The following RSPH14 variants were observed in gnomAD, a reference collection of about 807,000 sequenced individuals.
RSPH14 encodes the protein rhabdoid tumor deletion region gene 1.
Under a neutral mutation model 26.7 loss-of-function variants are expected in RSPH14, and 20 were observed. The observed-to-expected ratio is 0.75, with a 90% CI of 0.53 to 1.09. RSPH14 has a LOEUF of 1.09. Among genes scored for constraint, RSPH14 ranks in the 50% least tolerant of loss-of-function variants. RSPH14 has a pLI of 0.00. For missense variants in RSPH14, 449 were observed against 457.2 expected (o/e 0.98, Z 0.16); for synonymous variants, 177 against 189.3 (o/e 0.93, Z 0.53).
intron 4 of RSPH14, chr22:23,131,683 T>G: frequency 7.8e-7 from 1 of 1,289,386 alleles, no homozygotes; most frequent in Admixed American, 2.3e-5. Flanking sequence ...GGTTCCTGCA[T>G]GGTGAGCACA....
upstream of RSPH14, chr22:23,145,555 A>G (rs2070714594): frequency 6.3e-7 from 1 of 1,598,970 alleles, no homozygotes. Context: ...ATCGCTGGTG[A>G]GTCAGCTCGC....
At chr22:23,081,921 C>G (rs1166188899) in intron 4 of RSPH14, among the ~76,000 whole-genome samples, 2 of 149,988 alleles carry the variant, frequency 1.3e-5, no homozygotes, top group Admixed American at 6.7e-5. Flanking sequence ...GTCAGGAGAT[C>G]GAGACCATCC....
the RSPH14 span, among the ~76,000 whole-genome samples, chr22:23,153,962 T>TA: frequency 6.6e-6 from 1 of 152,256 alleles, no homozygotes; most frequent in East Asian, 1.9e-4. Context: ...GTGCTGGGAT[T>TA]ACAGGTGTGA....
the RSPH14 span, chr22:23,156,002 A>C: frequency 1.9e-6 from 3 of 1,613,072 alleles, no homozygotes; most frequent in Non-Finnish European, 2.5e-6. Context: ...GTTCAAGTGC[A>C]TCGCATCTGC....
At chr22:23,066,014 C>T (rs866070692) in intron 4 of RSPH14, among the ~76,000 whole-genome samples, 24 of 152,282 alleles carry the variant, frequency 1.6e-4, no homozygotes, top group Middle Eastern at 6.8e-3. Context: ...GTTCTGCCCA[C>T]GGTCTCCCTA....
intron 4 of RSPH14, among the ~76,000 whole-genome samples, chr22:23,110,782 G>A (rs1390931112): frequency 1.3e-5 from 2 of 152,220 alleles, no homozygotes; most frequent in East Asian, 3.9e-4. Flanking sequence ...GGAGGAAGCA[G>A]CTGGCCTGGG....
chr22:23,172,667 A>T, the RSPH14 span, among the ~76,000 whole-genome samples: 2 of 148,406 alleles, frequency 1.3e-5, no homozygotes, highest in African/African-American at 5.0e-5. Context: ...AAAAAAAAAA[A>T]GACTGGGCAC....
chr22:23,080,956 C>T (rs2068660638), intron 4 of RSPH14, among the ~76,000 whole-genome samples: 1 of 152,216 alleles, frequency 6.6e-6, no homozygotes, highest in African/African-American at 2.4e-5. Flanking sequence ...TCTAGAACCC[C>T]CTTGCCCTTC....
chr22:23,158,955 C>T, the RSPH14 span: 23 of 1,614,034 alleles, frequency 1.4e-5, no homozygotes, highest in Middle Eastern at 3.3e-4. Flanking sequence ...TCATCTTCCT[C>T]GTGGGAACCA....
At chr22:23,086,376 G>T (rs957836633) in intron 4 of RSPH14, among the ~76,000 whole-genome samples, 1 of 152,228 alleles carries the variant, frequency 6.6e-6, no homozygotes, top group Non-Finnish European at 1.5e-5. Context: ...CTTTTAGCAT[G>T]AGATGACGTG....
chr22:23,137,874 T>C (rs1471090512), intron 3 of RSPH14: 1 of 163,790 alleles, frequency 6.1e-6, no homozygotes, highest in Non-Finnish European at 1.3e-5. Context: ...GGGGTTTTGT[T>C]TCTAATACAA....
the RSPH14 span, among the ~76,000 whole-genome samples, chr22:23,170,268 C>T: frequency 6.6e-6 from 1 of 152,160 alleles, no homozygotes. Context: ...CTGCCATAGT[C>T]TAGGTGGTTT....
intron 4 of RSPH14, among the ~76,000 whole-genome samples, chr22:23,081,765 T>G (rs553115716): frequency 7.5e-6 from 1 of 133,530 alleles, no homozygotes; most frequent in Admixed American, 9.2e-5. Flanking sequence ...GAAGTTGCAG[T>G]GAGCCGAGAT....
rs758469577 is a variant in RSPH14, at chr22:23,082,103, C to T, written c.422-17970G>A. Among the ~76,000 whole-genome samples, 222 of 143,874 alleles carry T rather than the reference C, an allele frequency of 1.5e-3. 1 individual carries two copies. Among genetic ancestry groups the T allele is most frequent in the Non-Finnish European group, 2.7e-3 (179 of 66,604 alleles). The allele number at this position is 143,874 out of a possible 152,430, so 94.4% of individuals were successfully genotyped here. ...TCGTGCCGCTGCACTCCAGCCTGGG[C>T]GACAGAGCAAGACTCCGCCTCAAAA... On this transcript the variant is annotated intron_variant, in intron 4 of 6. Coordinates refer to ENST00000216036, the MANE Select transcript of RSPH14 (RefSeq NM_014433.3).
Position 23,060,832 on chromosome 22 carries a change from G to A in RSPH14, c.790+977C>T, listed in dbSNP as rs573740194. 3.9e-5 allele frequency among the ~76,000 whole-genome samples: 6 copies of A among 152,294 alleles called. No individual in the cohort carries two copies. The East Asian group carries it at 9.7e-4, about 25-fold the overall frequency. On this transcript the variant is annotated intron_variant, in intron 6 of 6. Coordinates refer to ENST00000216036, the MANE Select transcript of RSPH14 (RefSeq NM_014433.3). ...AGGGGCTTCAGGACCCTCAGCTGGA[G>A]TGCCAGCTTGGGAATAAGTGGCCTC...
intron 4 of RSPH14, chr22:23,095,574 T>C (rs921731451): frequency 9.1e-7 from 1 of 1,104,484 alleles, no homozygotes; most frequent in Non-Finnish European, 1.3e-6. Context: ...CTCACCCCCC[T>C]GCTGGCACTG....
chr22:23,063,982 C>G lies in RSPH14; in HGVS notation c.573G>C (p.Val191=). The G allele has an allele frequency of 6.2e-7, 1 of 1,614,194 alleles. No homozygotes were observed. Among genetic ancestry groups the G allele is most frequent in the Non-Finnish European group, 8.5e-7 (1 of 1,180,038 alleles). The change falls in exon 5 of 7, where the codon GTG becomes GTC. Residue 191 remains valine, a synonymous_variant. Transcript: ENST00000216036. ...EDATEALGSN[V]VLVLKQKLLS... ...GGAGCTTCTGCTTCAGGACAAGCACCACATTGCTGCCCAGGGCCTCGGTGG... is the reference window on the plus strand; with the variant it reads ...GGAGCTTCTGCTTCAGGACAAGCACGACATTGCTGCCCAGGGCCTCGGTGG...
Position 23,138,845 on chromosome 22 carries a change from C to T in RSPH14, c.297G>A (p.Val99=). The change falls in exon 3 of 7, where the codon GTG becomes GTA. Residue 99 remains valine (V), a synonymous_variant. Transcript: ENST00000216036. ...TTTCCAGAACAGCATCCCACCTGCC[C>T]ACGCTATGGCTTGCCGTGATGTGGA... ...EVLHITASHS[V]GRYAFLEHDI... 3 of 1,551,344 alleles carry T rather than the reference C, an allele frequency of 1.9e-6. No individual in the cohort carries two copies. Among genetic ancestry groups the T allele is most frequent in the African/African-American group, 2.7e-5 (2 of 73,172 alleles).
intron 4 of RSPH14, among the ~76,000 whole-genome samples, chr22:23,075,648 C>G (rs1462774360): frequency 6.6e-6 from 1 of 152,198 alleles, no homozygotes; most frequent in African/African-American, 2.4e-5. Flanking sequence ...AGCCACAGTG[C>G]AGGGAGGGGC....
Sources: gnomAD v4.1 joint callset for allele counts (sites outside exome capture counted in the v4.1 genomes callset) on GRCh38, gnomAD v4.1.1 for gene constraint, MANE v1.5 for transcripts, NCBI Gene and HGNC (gene_info 2026-07-23, HGNC 2026-07-21) for gene names.